PLCB4: variants seen among roughly 807,000 people sequenced by gnomAD.
PLCB4 encodes the protein phospholipase C beta 4, also known as 1-phosphatidylinositol 4,5-bisphosphate phosphodiesterase beta-4.
In PLCB4, 77 loss-of-function variants were observed where a neutral mutation model predicts 178.8. The ratio of observed to expected loss-of-function variants is 0.43; its 90% CI spans 0.36 to 0.52. PLCB4 has a LOEUF of 0.52. PLCB4 is among the 20% of genes least tolerant of loss of function. The pLI is 0.00. For synonymous variants in PLCB4, 496 were observed against 490.8 expected (o/e 1.01, Z -0.14); for missense variants, 1,024 against 1,453.4 (o/e 0.70, Z 4.80).
At chr20:9,075,317 C>T (rs2146482784) in intron 1 of PLCB4, among the ~76,000 whole-genome samples, 1 of 152,194 alleles carries the variant, frequency 6.6e-6, no homozygotes, top group South Asian at 2.1e-4. Context: ...AGTGACTAGG[C>T]TGAGATATGA....
At chr20:9,352,804 G>A (rs2034465599) in intron 7 of PLCB4, among the ~76,000 whole-genome samples, 1 of 151,986 alleles carries the variant, frequency 6.6e-6, no homozygotes, top group Admixed American at 6.6e-5. Context: ...TTTTGTCTAG[G>A]AATGTATAAA....
chr20:9,157,202 G>A, intron 2 of PLCB4, among the ~76,000 whole-genome samples: 1 of 148,316 alleles, frequency 6.7e-6, no homozygotes, highest in Non-Finnish European at 1.5e-5. Flanking sequence ...GGAAGCCAAG[G>A]ACAGAGAAAA....
intron 3 of PLCB4, among the ~76,000 whole-genome samples, chr20:9,286,370 G>A (rs2094536696): frequency 6.6e-6 from 1 of 151,960 alleles, no homozygotes; most frequent in Admixed American, 6.6e-5. Flanking sequence ...ATGAGGAGGT[G>A]GTTATGGGTA....
intron 38 of PLCB4, among the ~76,000 whole-genome samples, chr20:9,473,619 A>T (rs1263093102): frequency 6.6e-6 from 1 of 152,244 alleles, no homozygotes; most frequent in Admixed American, 6.5e-5. Context: ...GAATTCTAAG[A>T]ATGAAATTAC....
intron 3 of PLCB4, among the ~76,000 whole-genome samples, chr20:9,259,714 G>T: frequency 6.6e-6 from 1 of 152,056 alleles, no homozygotes; most frequent in East Asian, 1.9e-4. Context: ...TCCCAACCAT[G>T]TGTGGTTATT....
chr20:9,384,194 C>G lies in PLCB4; in HGVS notation c.854-7C>G. On this transcript the variant is annotated splice_polypyrimidine_tract_variant and splice_region_variant and intron_variant, in intron 13 of 39. Coordinates refer to ENST00000378473, the MANE Select transcript of PLCB4 (RefSeq NM_001377142.1). ...CAAGTGCTACTAAGATGTTCTTTTT[C>G]CCCTAGGCCTTATATCAAGTGATGG... 1 of 1,605,668 alleles carries G rather than the reference C, an allele frequency of 6.2e-7. No individual in the cohort carries two copies. Among genetic ancestry groups the G allele is most frequent in the Non-Finnish European group, 8.5e-7 (1 of 1,172,388 alleles).
chr20:9,131,908 G>T (rs2092281909), intron 2 of PLCB4, among the ~76,000 whole-genome samples: 1 of 152,050 alleles, frequency 6.6e-6, no homozygotes, highest in South Asian at 2.1e-4. Context: ...TAAATGTTTG[G>T]ACTAGACTAT....
chr20:9,150,139 A>T (rs969397312), intron 2 of PLCB4, among the ~76,000 whole-genome samples: 2 of 152,170 alleles, frequency 1.3e-5, no homozygotes, highest in Admixed American at 1.3e-4. Context: ...AGTGTCCATG[A>T]CCTATATCCA....
chr20:9,367,077 C>T (rs1263324754), intron 9 of PLCB4, among the ~76,000 whole-genome samples: 1 of 152,192 alleles, frequency 6.6e-6, no homozygotes, highest in Non-Finnish European at 1.5e-5. Context: ...CTGCAGCTTC[C>T]ATTCTGCATC....
intron 3 of PLCB4, among the ~76,000 whole-genome samples, chr20:9,273,558 A>T (rs118070497): frequency 0.011 from 1,718 of 152,080 alleles, 15 homozygotes; most frequent in Non-Finnish European, 0.016. Context: ...AGAGTCAGTG[A>T]CATCTGTGCT....
chr20:9,097,382 A>T (rs2090959129), intron 2 of PLCB4, among the ~76,000 whole-genome samples: 1 of 151,826 alleles, frequency 6.6e-6, no homozygotes, highest in African/African-American at 2.4e-5. Flanking sequence ...GGAAACCGCT[A>T]GGCATGAGTG....
Position 9,117,790 on chromosome 20 carries a change from A to G in PLCB4, c.-79+21448A>G, listed in dbSNP as rs185499208. Among the ~76,000 whole-genome samples the G allele has an allele frequency of 3.1e-3, 469 of 152,256 alleles. 1 individual carries two copies. Among genetic ancestry groups the G allele is most frequent in the African/African-American group, 9.6e-3 (401 of 41,556 alleles). On this transcript the variant is annotated intron_variant, in intron 2 of 39. Transcript: ENST00000378473. ...GCTCCCCCTGCCTAGAACATTCTCC[A>G]GCTCATTATACTACTACCTCTACCT...
chr20:9,377,136 C>G (rs2036743304), intron 12 of PLCB4, among the ~76,000 whole-genome samples: 1 of 152,098 alleles, frequency 6.6e-6, no homozygotes, highest in African/African-American at 2.4e-5. Flanking sequence ...GGATTGAAGC[C>G]AGACGATGCC....
At chr20:9,309,013 C>CT (rs1383855004) in intron 4 of PLCB4, among the ~76,000 whole-genome samples, 4 of 151,804 alleles carry the variant, frequency 2.6e-5, no homozygotes, top group Admixed American at 2.0e-4. Context: ...ATTTGTTTTT[C>CT]TTTTTTTTCT....
intron 20 of PLCB4, among the ~76,000 whole-genome samples, chr20:9,402,366 GC>G (rs1325746131): frequency 1.3e-5 from 2 of 152,236 alleles, no homozygotes; most frequent in African/African-American, 4.8e-5. Flanking sequence ...AGTAACAACA[GC>G]AAGGGCTGTG....
chr20:9,110,981 G>A (rs1444825621), intron 2 of PLCB4, among the ~76,000 whole-genome samples: 1 of 152,066 alleles, frequency 6.6e-6, no homozygotes, highest in Non-Finnish European at 1.5e-5. Context: ...CATTAAGCAG[G>A]TATTCAATTT....
chr20:9,329,921 A>G (rs8121207), intron 4 of PLCB4, among the ~76,000 whole-genome samples: 20,575 of 152,170 alleles, frequency 0.14, 1,498 homozygotes, highest in Middle Eastern at 0.18. Flanking sequence ...CAACTTAATA[A>G]GGACCCATGC....
chr20:9,314,185 C>T (rs1048516817), intron 4 of PLCB4, among the ~76,000 whole-genome samples: 10 of 152,170 alleles, frequency 6.6e-5, no homozygotes, highest in African/African-American at 2.4e-4. Flanking sequence ...TCCACACCAT[C>T]AATGGGTTTA....
chr20:9,365,128 G>T (rs963552657), intron 8 of PLCB4, among the ~76,000 whole-genome samples: 3 of 152,148 alleles, frequency 2.0e-5, no homozygotes, highest in African/African-American at 7.2e-5. Context: ...TTTAGCTAGG[G>T]TTGCCAGATA....
Sources: gnomAD v4.1 joint callset for allele counts (sites outside exome capture counted in the v4.1 genomes callset) on GRCh38, gnomAD v4.1.1 for gene constraint, MANE v1.5 for transcripts, NCBI Gene and HGNC (gene_info 2026-07-23, HGNC 2026-07-21) for gene names.